The following TMOD3 variants were observed in gnomAD, a reference collection of about 807,000 sequenced individuals.
The protein encoded by TMOD3 is tropomodulin-3.
TMOD3 carries 20 observed loss-of-function variants against 39.2 expected under a neutral mutation model. The ratio of observed to expected loss-of-function variants is 0.51; its 90% CI spans 0.36 to 0.74. The LOEUF (loss-of-function observed/expected upper bound fraction) is 0.74. TMOD3 is among the 30% of genes least tolerant of loss of function. The pLI is 0.00. For synonymous variants in TMOD3, 143 were observed against 145.8 expected (o/e 0.98, Z 0.14); for missense variants, 381 against 412.8 (o/e 0.92, Z 0.67).
At position 51,862,779 on chromosome 15, in the gene TMOD3, A is replaced by G. The variant is rs578233146; in HGVS notation, c.-74-32A>G. 10 of 1,131,860 alleles carry G rather than the reference A, an allele frequency of 8.8e-6. No individual in the cohort carries two copies. The East Asian group carries it at 2.1e-4, about 24-fold the overall frequency. 70.1% of individuals were successfully genotyped at this position (1,131,860 alleles called of 1,614,324 possible). ...TCTAAGTAGGTGGAGATGACTTACT[A>G]TTTAAAATGTATTTGTTTCTTCTCT... On this transcript the variant is annotated intron_variant, in intron 1 of 9. Coordinates refer to ENST00000308580, the MANE Select transcript of TMOD3 (RefSeq NM_014547.5).
At chr15:51,839,083 A>G (rs557996905) in intron 1 of TMOD3, among the ~76,000 whole-genome samples, 2 of 151,776 alleles carry the variant, frequency 1.3e-5, no homozygotes, top group Admixed American at 1.3e-4. Flanking sequence ...TTTTGATGTC[A>G]GAAGGAAGTG....
intron 1 of TMOD3, among the ~76,000 whole-genome samples, chr15:51,853,397 C>T (rs568456734): frequency 2.0e-5 from 3 of 152,192 alleles, no homozygotes; most frequent in East Asian, 3.9e-4. Context: ...ATGGGGGTCT[C>T]ACTATGTTGC....
Position 51,862,941 on chromosome 15 carries a change from G to A in TMOD3, c.57G>A (p.Glu19=), listed in dbSNP as rs776303761. 6 of 1,613,928 alleles carry A rather than the reference G, an allele frequency of 3.7e-6. No individual in the cohort carries two copies. In the East Asian group the frequency reaches 1.1e-4, roughly 30 times the overall value. ...LEKYKDLDED[E]LLGNLSETEL... The stretch of plus-strand genomic sequence containing the variant: ...AGTACAAAGACCTTGATGAAGATGA[G>A]CTCCTTGGGAATCTGTCAGAAACAG... Residue 19 remains glutamate, a synonymous_variant, in exon 2 of 10, where the codon GAG becomes GAA. Transcript: ENST00000308580.
intron 3 of TMOD3, chr15:51,875,016 C>A (rs1418264302): frequency 2.0e-5 from 3 of 152,168 alleles, no homozygotes; most frequent in African/African-American, 7.2e-5. Context: ...ATGCCCCTCC[C>A]TGCTTTTTTA....
intron 9 of TMOD3, among the ~76,000 whole-genome samples, chr15:51,903,660 A>G (rs1390447842): frequency 1.3e-5 from 2 of 152,150 alleles, no homozygotes; most frequent in Non-Finnish European, 2.9e-5. Flanking sequence ...AGTCATGCTA[A>G]TTGTTTTAGT....
At chr15:51,906,514 A>G (rs1008445446) in intron 9 of TMOD3, among the ~76,000 whole-genome samples, 3 of 152,216 alleles carry the variant, frequency 2.0e-5, no homozygotes, top group African/African-American at 4.8e-5. Context: ...AAGAGGTTCT[A>G]TGGTATACAT....
At chr15:51,885,770 C>T (rs2056558093) in intron 3 of TMOD3, among the ~76,000 whole-genome samples, 1 of 152,236 alleles carries the variant, frequency 6.6e-6, no homozygotes, top group Admixed American at 6.5e-5. Flanking sequence ...AAACCGCCAT[C>T]GTCATCATGG....
At chr15:51,895,188 A>G (rs1190665312) in intron 6 of TMOD3, among the ~76,000 whole-genome samples, 1 of 151,906 alleles carries the variant, frequency 6.6e-6, no homozygotes, top group African/African-American at 2.4e-5. Flanking sequence ...AGCCTCAGAG[A>G]AAGCTTATAT....
At chr15:51,855,239 T>A (rs1339434901) in intron 1 of TMOD3, among the ~76,000 whole-genome samples, 1 of 152,206 alleles carries the variant, frequency 6.6e-6, no homozygotes, top group Non-Finnish European at 1.5e-5. Flanking sequence ...GAGCAGTAGA[T>A]CTCAAAGTAT....
intron 5 of TMOD3, among the ~76,000 whole-genome samples, chr15:51,889,477 A>G (rs993107123): frequency 2.6e-5 from 4 of 152,198 alleles, no homozygotes; most frequent in African/African-American, 9.7e-5. Context: ...AAGAAATTAC[A>G]TTATAAAATC....
chr15:51,880,930 C>T (rs189274430), intron 3 of TMOD3, among the ~76,000 whole-genome samples: 77 of 152,306 alleles, frequency 5.1e-4, no homozygotes, highest in Admixed American at 1.0e-3. Flanking sequence ...ATTGTACCTT[C>T]TCACCAGTAA....
chr15:51,842,818 T>C (rs2056318801), intron 1 of TMOD3, among the ~76,000 whole-genome samples: 1 of 152,194 alleles, frequency 6.6e-6, no homozygotes, highest in African/African-American at 2.4e-5. Flanking sequence ...TTTTAGGCCT[T>C]GTGCCTCTTG....
intron 1 of TMOD3, among the ~76,000 whole-genome samples, chr15:51,849,020 C>A (rs1277630239): frequency 6.6e-6 from 1 of 152,068 alleles, no homozygotes; most frequent in African/African-American, 2.4e-5. Flanking sequence ...GGAGTATGTT[C>A]CCGATCAGCT....
chr15:51,845,904 T>A (rs1466776097), intron 1 of TMOD3, among the ~76,000 whole-genome samples: 3 of 152,176 alleles, frequency 2.0e-5, no homozygotes, highest in Non-Finnish European at 4.4e-5. Flanking sequence ...AGTCAGAAGG[T>A]ACAGAAAATT....
chr15:51,839,595 C>G (rs1379947767), intron 1 of TMOD3, among the ~76,000 whole-genome samples: 2 of 151,996 alleles, frequency 1.3e-5, no homozygotes, highest in Non-Finnish European at 2.9e-5. Context: ...GTCATCCAGG[C>G]TGGCGTGCAG....
At position 51,888,768 on chromosome 15, in the gene TMOD3, G is replaced by A. The variant is rs551881536; in HGVS notation, c.407-288G>A. 4.9e-4 allele frequency among the ~76,000 whole-genome samples: 75 copies of A among 152,156 alleles called. 1 individual carries two copies. The highest frequency in any genetic ancestry group is 4.8e-3 in the Admixed American group (74 of 15,278). ...TAGATCATTTCCATTTTCTCTCTTA[G>A]CCACTAGATGGAGCTAAGCATAGAT... On this transcript the variant is annotated intron_variant, in intron 4 of 9. Transcript: ENST00000308580.
At chr15:51,846,705 A>G (rs2056337639) in intron 1 of TMOD3, among the ~76,000 whole-genome samples, 1 of 152,226 alleles carries the variant, frequency 6.6e-6, no homozygotes, top group African/African-American at 2.4e-5. Flanking sequence ...TGTTCACAGT[A>G]GGACTGGTAG....
intron 1 of TMOD3, among the ~76,000 whole-genome samples, chr15:51,831,482 T>A (rs2056254790): frequency 6.6e-6 from 1 of 152,252 alleles, no homozygotes; most frequent in Non-Finnish European, 1.5e-5. Flanking sequence ...AAAGTCTGTA[T>A]GTCTGATGGG....
Position 51,871,551 on chromosome 15 carries a change from A to C in TMOD3, c.283+2178A>C, listed in dbSNP as rs147418920. ...AGAAGGAGAAAAAATAAGAGACCTG[A>C]AAGAAAGCTGCATTTGTCCCAGGCT... On this transcript the variant is annotated intron_variant, in intron 3 of 9. Transcript: ENST00000308580. 7.0e-3 allele frequency among the ~76,000 whole-genome samples: 1,059 copies of C among 152,328 alleles called. 10 individuals carry two copies. The highest frequency in any genetic ancestry group is 0.012 in the Non-Finnish European group (792 of 68,030).
Sources: allele counts gnomAD v4.1 joint callset (sites outside exome capture counted in the v4.1 genomes callset), GRCh38; gene constraint gnomAD v4.1.1; transcripts MANE v1.5; gene names NCBI Gene and HGNC (gene_info 2026-07-23, HGNC 2026-07-21).